PAK5: variants seen among roughly 807,000 people sequenced by gnomAD.
The protein encoded by PAK5 is p21 (RAC1) activated kinase 5.
In PAK5, 16 loss-of-function variants were observed where a neutral mutation model predicts 65.9. The ratio of observed to expected loss-of-function variants is 0.24; its 90% confidence interval spans 0.16 to 0.37. PAK5 has a LOEUF of 0.37. Among genes scored for constraint, PAK5 ranks in the 10% least tolerant of loss-of-function variants. The pLI is 1.00. For missense variants in PAK5, 785 were observed against 903.9 expected (o/e 0.87, Z 1.69); for synonymous variants, 371 against 354.9 (o/e 1.05, Z -0.51).
intron 3 of PAK5, among the ~76,000 whole-genome samples, chr20:9,614,233 C>G (rs1172035074): frequency 6.6e-6 from 1 of 152,134 alleles, no homozygotes; most frequent in Non-Finnish European, 1.5e-5. Flanking sequence ...CATTAGTAGG[C>G]TGGGCACAGC....
chr20:9,649,846 A>G (rs2047180699), intron 2 of PAK5, among the ~76,000 whole-genome samples: 1 of 152,172 alleles, frequency 6.6e-6, no homozygotes, highest in African/African-American at 2.4e-5. Flanking sequence ...TTCTGTTCAC[A>G]GTAATTCATA....
chr20:9,658,831 G>T (rs2047305348), intron 2 of PAK5, among the ~76,000 whole-genome samples: 1 of 151,934 alleles, frequency 6.6e-6, no homozygotes, highest in Admixed American at 6.6e-5. Flanking sequence ...GAGCACAATT[G>T]GCTCTCACAA....
chr20:9,614,695 A>C (rs1458436010), intron 3 of PAK5, among the ~76,000 whole-genome samples: 1 of 152,222 alleles, frequency 6.6e-6, no homozygotes, highest in Non-Finnish European at 1.5e-5. Flanking sequence ...TTGAGAAAAA[A>C]ACTCCACCAG....
chr20:9,593,304 A>C (rs2046205573), intron 3 of PAK5, among the ~76,000 whole-genome samples: 1 of 152,006 alleles, frequency 6.6e-6, no homozygotes, highest in African/African-American at 2.4e-5. Flanking sequence ...ACCCTGTATC[A>C]AAAGAAAAAA....
At chr20:9,815,291 G>T (rs1279125636) in intron 1 of PAK5, among the ~76,000 whole-genome samples, 1 of 152,134 alleles carries the variant, frequency 6.6e-6, no homozygotes, top group African/African-American at 2.4e-5. Flanking sequence ...TATAAATCTG[G>T]TTTAATATCT....
intron 1 of PAK5, among the ~76,000 whole-genome samples, chr20:9,755,396 G>C (rs1443172515): frequency 2.6e-5 from 4 of 152,134 alleles, no homozygotes; most frequent in African/African-American, 9.7e-5. Flanking sequence ...TTAATTAATA[G>C]AGAGATCACA....
intron 1 of PAK5, among the ~76,000 whole-genome samples, chr20:9,798,658 G>A (rs974445760): frequency 2.0e-5 from 3 of 152,134 alleles, no homozygotes; most frequent in Non-Finnish European, 4.4e-5. Flanking sequence ...AATGGAAAAA[G>A]TAGCTTCCTA....
chr20:9,580,428 G>A lies in PAK5; in HGVS notation c.707C>T (p.Pro236Leu), dbSNP rs751155368. 1.9e-6 allele frequency: 3 copies of A among 1,614,068 alleles called. No individual in the cohort carries two copies. The highest frequency in any genetic ancestry group is 2.5e-6 in the Non-Finnish European group (3 of 1,180,014). ...SPLDYSFQFT[P>L]SRTAGTSGCS... is the part of the protein sequence containing the mutation. ...CCCGCTGGTCCCTGCAGTTCTAGAA[G>A]GTGTGAATTGGAATGAATAATCCAG... is the stretch of plus-strand genomic sequence containing the variant. The change falls in exon 4 of 10, where the codon CCT becomes CTT. Residue 236 changes from proline (P) to leucine (L), a missense_variant. This residue lies in a region of PAK5 where 422 missense variants were observed against 413.3 expected (regional missense o/e 1.02). Coordinates refer to ENST00000353224, the MANE Select transcript of PAK5 (RefSeq NM_177990.4).
intron 4 of PAK5, among the ~76,000 whole-genome samples, chr20:9,571,045 G>A (rs537330411): frequency 2.3e-4 from 35 of 152,288 alleles, no homozygotes; most frequent in African/African-American, 7.5e-4. Flanking sequence ...TGTCTTTCAC[G>A]GCTGCTGGTA....
intron 2 of PAK5, among the ~76,000 whole-genome samples, chr20:9,675,957 G>A (rs1362899680): frequency 6.6e-6 from 1 of 152,152 alleles, no homozygotes; most frequent in East Asian, 1.9e-4. Context: ...CAAAAACTGT[G>A]TATTAGTTTA....
intron 1 of PAK5, among the ~76,000 whole-genome samples, chr20:9,800,690 T>C (rs2049159052): frequency 6.6e-6 from 1 of 152,074 alleles, no homozygotes; most frequent in Non-Finnish European, 1.5e-5. Context: ...TAACAACCTT[T>C]GTTACCTCCA....
chr20:9,775,188 A>G (rs540976590), intron 1 of PAK5, among the ~76,000 whole-genome samples: 17 of 152,156 alleles, frequency 1.1e-4, no homozygotes, highest in Non-Finnish European at 2.4e-4. Context: ...TGGGTTATAC[A>G]TATTTATATA....
In PAK5 at chr20:9,582,870, C is replaced by G. The variant is rs143656093; in HGVS notation, c.205-1940G>C. Reference sequence around the variant, plus strand: ...ACACTCTGTTATTTGCCTTGTTGCTCAAATGGTTCCAGCTTTTGTCACTGG... The same window carrying G: ...ACACTCTGTTATTTGCCTTGTTGCTGAAATGGTTCCAGCTTTTGTCACTGG... On this transcript the variant is annotated intron_variant, in intron 3 of 9. Coordinates refer to ENST00000353224, the MANE Select transcript of PAK5 (RefSeq NM_177990.4). 1.2e-3 allele frequency among the ~76,000 whole-genome samples: 178 copies of G among 152,292 alleles called. 1 individual carries two copies. Among genetic ancestry groups the G allele is most frequent in the African/African-American group, 4.0e-3 (166 of 41,564 alleles).
At chr20:9,791,676 C>A (rs750893209) in intron 1 of PAK5, among the ~76,000 whole-genome samples, 4 of 152,030 alleles carry the variant, frequency 2.6e-5, no homozygotes, top group Non-Finnish European at 4.4e-5. Flanking sequence ...TAGCTCAAAC[C>A]AAACTGCTCT....
chr20:9,723,206 C>T (rs577913924), intron 1 of PAK5, among the ~76,000 whole-genome samples: 1 of 152,236 alleles, frequency 6.6e-6, no homozygotes, highest in Admixed American at 6.5e-5. Context: ...AAGAGGCTAT[C>T]AAGTTTGCAC....
chr20:9,756,159 T>C (rs1286502008), intron 1 of PAK5, among the ~76,000 whole-genome samples: 1 of 152,212 alleles, frequency 6.6e-6, no homozygotes, highest in African/African-American at 2.4e-5. Context: ...ACAGCAGCAA[T>C]GCATTTGTGA....
intron 1 of PAK5, among the ~76,000 whole-genome samples, chr20:9,740,914 G>A (rs1399409299): frequency 6.6e-6 from 1 of 152,178 alleles, no homozygotes; most frequent in Non-Finnish European, 1.5e-5. Flanking sequence ...GGAAATGAAA[G>A]GGTTTAACTA....
chr20:9,751,221 T>C lies in PAK5; in HGVS notation c.-161-39786A>G, dbSNP rs540715225. Among the ~76,000 whole-genome samples the C allele has an allele frequency of 2.3e-4, 35 of 152,322 alleles. No homozygotes were observed. In the South Asian group the frequency reaches 7.0e-3, roughly 31 times the overall value. On this transcript the variant is annotated intron_variant, in intron 1 of 9. Coordinates refer to ENST00000353224, the MANE Select transcript of PAK5 (RefSeq NM_177990.4). ...ATGTCTTATTCAAAATGTAGTCTTA[T>C]GACTCAAAATATTTTAACACAAACA...
rs182950347 is a variant in PAK5, at chr20:9,611,111, C to T, written c.205-30181G>A. Among the ~76,000 whole-genome samples the T allele has an allele frequency of 4.4e-4, 67 of 152,334 alleles. 2 individuals are homozygous for T. Among genetic ancestry groups the T allele is most frequent in the African/African-American group, 1.5e-3 (62 of 41,578 alleles). On this transcript the variant is annotated intron_variant, in intron 3 of 9. Transcript: ENST00000353224. ...TTCCATTCCCTGTATTTTGTTACAG[C>T]AGCAGGAAAGGACCAAGATATTCAT...
Sources: allele counts gnomAD v4.1 joint callset (sites outside exome capture counted in the v4.1 genomes callset), GRCh38; gene constraint gnomAD v4.1.1; regional missense constraint gnomAD v4.1.1; transcripts MANE v1.5; gene names NCBI Gene and HGNC (gene_info 2026-07-23, HGNC 2026-07-21).